PPARG: variants seen among roughly 807,000 people sequenced by gnomAD.
PPARG encodes peroxisome proliferator activated receptor gamma, also known as peroxisome proliferator-activated receptor gamma.
A neutral mutation model predicts 39.2 loss-of-function variants in PPARG; 17 were observed. That is an observed-to-expected ratio of 0.43 (90% CI 0.30 to 0.65). The LOEUF (loss-of-function observed/expected upper bound fraction) is 0.65. PPARG is among the 30% of genes least tolerant of loss of function. The pLI is 0.13. For missense variants in PPARG, 406 were observed against 585.9 expected, an observed-to-expected ratio of 0.69 and a Z score of 3.17; for synonymous variants, 223 against 215.7, an observed-to-expected ratio of 1.03 and a Z score of -0.30.
At chr3:12,366,155 T>C (rs1376297136) in intron 2 of PPARG, among the ~76,000 whole-genome samples, 1 of 152,074 alleles carries the variant, frequency 6.6e-6, no homozygotes, top group African/African-American at 2.4e-5. Context: ...CTTTTCGGGG[T>C]GCTAATGTAA....
In PPARG at chr3:12,405,942, G is replaced by A. The variant is rs1193699370; in HGVS notation, c.590G>A (p.Ser197Asn). ...GAGAAGCTGTTGGCGGAGATCTCCA[G>A]TGATATCGACCAGCTGAATCCAGAG... is the stretch of plus-strand genomic sequence containing the variant. Reference protein sequence around the residue: ...EKEKLLAEISSDIDQLNPESA... With the variant: ...EKEKLLAEISNDIDQLNPESA... The change falls in exon 6 of 8, where the codon AGT (serine) becomes AAT (asparagine). Residue 197 changes from serine to asparagine, a missense_variant. Physicochemically the swap from Ser to Asn is conservative, Grantham distance 46. Coordinates refer to ENST00000651735, the MANE Select transcript of PPARG (RefSeq NM_138711.6). 5 of 1,614,060 alleles carry A rather than the reference G, an allele frequency of 3.1e-6. No homozygotes were observed. The East Asian group carries it at 1.1e-4, about 36-fold the overall frequency.
chr3:12,361,489 A>G (rs561545357), intron 2 of PPARG, among the ~76,000 whole-genome samples: 1 of 152,312 alleles, frequency 6.6e-6, no homozygotes, highest in Admixed American at 6.5e-5. Flanking sequence ...TATATTTCAC[A>G]TTTAGATCCA....
intron 2 of PPARG, among the ~76,000 whole-genome samples, chr3:12,365,841 C>T (rs1027341095): frequency 5.3e-5 from 8 of 152,088 alleles, no homozygotes; most frequent in Non-Finnish European, 1.2e-4. Flanking sequence ...AATGTCAGTC[C>T]TTCGACTTTA....
intron 2 of PPARG, among the ~76,000 whole-genome samples, chr3:12,321,734 T>C (rs750119022): frequency 6.6e-6 from 1 of 152,178 alleles, no homozygotes; most frequent in Non-Finnish European, 1.5e-5. Flanking sequence ...ACAAATCTTA[T>C]GGGTCAGACA....
chr3:12,332,578 G>T (rs2047891996), intron 2 of PPARG, among the ~76,000 whole-genome samples: 1 of 152,094 alleles, frequency 6.6e-6, no homozygotes, highest in Non-Finnish European at 1.5e-5. Context: ...GGATTTTTAT[G>T]TAATGCCACC....
At chr3:12,300,202 CAG>C (rs60943442) in intron 1 of PPARG, among the ~76,000 whole-genome samples, 5,024 of 152,158 alleles carry the variant, frequency 0.033, 337 homozygotes, top group East Asian at 0.33. Context: ...CAAATTTCAC[CAG>C]AGTTAATTTG....
intron 2 of PPARG, among the ~76,000 whole-genome samples, chr3:12,342,908 C>G (rs1224456512): frequency 4.0e-5 from 6 of 151,824 alleles, no homozygotes; most frequent in Non-Finnish European, 7.4e-5. Context: ...GATATAAAGA[C>G]TAGAAAACAC....
At chr3:12,420,903 T>G in intron 7 of PPARG, among the ~76,000 whole-genome samples, 1 of 152,176 alleles carries the variant, frequency 6.6e-6, no homozygotes, top group East Asian at 1.9e-4. Context: ...TTCTCCTCTC[T>G]CTCTTTCTCC....
At chr3:12,288,834 G>T (rs2046576295), upstream of PPARG, 1 of 152,332 alleles carries the variant, frequency 6.6e-6, no homozygotes, top group Admixed American at 6.5e-5. Context: ...AGGCGAAGTC[G>T]CTGCTTTGTG....
At chr3:12,301,734 C>G (rs1299522174) in intron 1 of PPARG, 2 of 152,216 alleles carry the variant, frequency 1.3e-5, no homozygotes, top group African/African-American at 4.8e-5. Flanking sequence ...CTGCCATTCT[C>G]CTCCTGCCAC....
chr3:12,362,449 G>A (rs1230321494), intron 2 of PPARG, among the ~76,000 whole-genome samples: 1 of 152,050 alleles, frequency 6.6e-6, no homozygotes, highest in Non-Finnish European at 1.5e-5. Context: ...AATGCCAGAG[G>A]TGGACGTTGG....
chr3:12,302,854 A>G (rs766784910), intron 1 of PPARG, among the ~76,000 whole-genome samples: 2 of 152,118 alleles, frequency 1.3e-5, no homozygotes, highest in Non-Finnish European at 2.9e-5. Flanking sequence ...AGCAGTCAGG[A>G]GGCTGCTGCA....
chr3:12,311,738 A>T (rs2047251133), intron 1 of PPARG, among the ~76,000 whole-genome samples: 1 of 152,112 alleles, frequency 6.6e-6, no homozygotes, highest in Non-Finnish European at 1.5e-5. Flanking sequence ...TGAGCCTTTC[A>T]TAAGAGATAA....
At chr3:12,302,613 A>G (rs892551444) in intron 1 of PPARG, among the ~76,000 whole-genome samples, 6 of 152,220 alleles carry the variant, frequency 3.9e-5, no homozygotes, top group East Asian at 1.9e-4. Flanking sequence ...GCAAATAAGC[A>G]TAGAGTTAAG....
rs143094433 is a variant in PPARG at position 12,421,264 on chromosome 3, C to T, written c.1180+4110C>T. Among the ~76,000 whole-genome samples the T allele has an allele frequency of 2.1e-3, 322 of 152,302 alleles. 3 individuals carry two copies. The highest frequency in any genetic ancestry group is 3.2e-3 in the Admixed American group (49 of 15,304). ...ATTCACTATATCCCTAAGGTAGGCC[C>T]ATACCTAGAAGCCAGGAACAGCGCT... is the stretch of plus-strand genomic sequence containing the variant. On this transcript the variant is annotated intron_variant, in intron 7 of 7. Transcript: ENST00000651735.
At chr3:12,305,327 T>G (rs2047032942) in intron 1 of PPARG, among the ~76,000 whole-genome samples, 1 of 152,238 alleles carries the variant, frequency 6.6e-6, no homozygotes, top group African/African-American at 2.4e-5. Flanking sequence ...AATGTTATGT[T>G]GCTCTTTATG....
At chr3:12,412,183 G>C (rs1362369046) in intron 6 of PPARG, among the ~76,000 whole-genome samples, 1 of 152,042 alleles carries the variant, frequency 6.6e-6, no homozygotes, top group Non-Finnish European at 1.5e-5. Flanking sequence ...TAAACTTAGG[G>C]CATTCATGTA....
chr3:12,312,364 C>G lies in PPARG; in HGVS notation c.-82-16C>G, dbSNP rs2047270965. 6.6e-6 allele frequency: 1 copy of G among 152,182 alleles called. No homozygotes were observed. The highest frequency in any genetic ancestry group is 6.5e-5 in the Admixed American group (1 of 15,282). 9.4% of individuals were successfully genotyped at this position (152,182 alleles called of 1,614,324 possible). A position where few individuals can be genotyped will look rare whatever the true frequency, so the allele number is the denominator to read the frequency against. ...TGTGTGTATATTGAAAATCTTGTCT[C>G]TTTTTTATTGTTAAGATTTGAAAGA... On this transcript the variant is annotated splice_polypyrimidine_tract_variant and intron_variant, in intron 1 of 7. Coordinates refer to ENST00000651735, the MANE Select transcript of PPARG (RefSeq NM_138711.6).
At chr3:12,290,481 G>A (rs2046620975) in intron 1 of PPARG, among the ~76,000 whole-genome samples, 1 of 151,952 alleles carries the variant, frequency 6.6e-6, no homozygotes. Context: ...TGAAGGACTA[G>A]TTTCCTAAAT....
Sources: gnomAD v4.1 joint callset for allele counts (sites outside exome capture counted in the v4.1 genomes callset) on GRCh38, gnomAD v4.1.1 for gene constraint, MANE v1.5 for transcripts, NCBI Gene and HGNC (gene_info 2026-07-23, HGNC 2026-07-21) for gene names.